The following H6PD variants were observed in gnomAD, a reference collection of about 807,000 sequenced individuals.
The protein encoded by H6PD is GDH/6PGL endoplasmic bifunctional protein.
In H6PD, 48 loss-of-function variants were observed where a neutral mutation model predicts 61.2. The ratio of observed to expected loss-of-function variants is 0.78; its 90% CI spans 0.62 to 1.00. The LOEUF (loss-of-function observed/expected upper bound fraction) is 1.00, where lower values mean the gene tolerates loss of function less well. Among genes scored for constraint, H6PD ranks in the 50% least tolerant of loss-of-function variants. The probability of loss-of-function intolerance (pLI) is 0.00; values close to 1 mark genes in which losing one functional copy is unlikely to be tolerated. For missense variants in H6PD, 1,093 were observed against 1,065.0 expected (o/e 1.03, Z -0.37); for synonymous variants, 480 against 457.9 (o/e 1.05, Z -0.62).
intron 3 of H6PD, among the ~76,000 whole-genome samples, chr1:9,256,496 C>G (rs1419270526): frequency 2.0e-5 from 3 of 152,138 alleles, no homozygotes; most frequent in African/African-American, 7.2e-5. Context: ...AGGTTGTTCC[C>G]CCAGCCATGA....
chr1:9,262,470 C>T (rs951718382), intron 4 of H6PD, 142 bp downstream of exon 4: 2 of 796,278 alleles, frequency 2.5e-6, no homozygotes, highest in Non-Finnish European at 4.0e-6. Context: ...GATGGCATTC[C>T]CCTGTCTCCC....
In H6PD at chr1:9,247,607, G is replaced by A. The variant is rs141029514; in HGVS notation, c.745+524G>A. ...ACCTCCCTCCCCTGCCCTGCACAGT[G>A]TTACCCTTGCCTCGTCCTTGTCCAC... On this transcript the variant is annotated intron_variant, in intron 3 of 4. Coordinates refer to ENST00000377403, the MANE Select transcript of H6PD (RefSeq NM_004285.4). 5.6e-3 allele frequency among the ~76,000 whole-genome samples: 847 copies of A among 152,252 alleles called. 5 individuals are homozygous for A. Among genetic ancestry groups the A allele is most frequent in the Middle Eastern group, 0.014 (4 of 294 alleles).
chr1:9,263,651 G>C lies in H6PD; in HGVS notation c.1158G>C (p.Trp386Cys). 1.2e-6 allele frequency: 2 copies of C among 1,614,198 alleles called. No homozygotes were observed. The highest frequency in any genetic ancestry group is 1.7e-6 in the Non-Finnish European group (2 of 1,180,042). The change falls in exon 5 of 5, where the codon TGG becomes TGC. Residue 386 changes from tryptophan to cysteine, a missense_variant. Transcript: ENST00000377403. Reference protein sequence around the residue: ...QACCVQSEKHWAAAQSQCLPR... With the variant: ...QACCVQSEKHCAAAQSQCLPR... ...GCTGTGTGCAGAGCGAAAAGCACTG[G>C]GCCGCGGCGCAGAGCCAGTGCCTGC...
rs185719796 is a variant in H6PD at position 9,258,853 on chromosome 1, G to A, written c.746-3206G>A. On this transcript the variant is annotated intron_variant, in intron 3 of 4. Transcript: ENST00000377403. ...GTTATGTTGTTGTTATGCTGGTGTT[G>A]TGTTACTGTTGTTATGTTGTTGTTA... Among the ~76,000 whole-genome samples the A allele has an allele frequency of 7.7e-3, 1,140 of 147,460 alleles. 12 individuals are homozygous for A. The highest frequency in any genetic ancestry group is 0.029 in the African/African-American group (1,079 of 37,554).
chr1:9,238,302 A>G (rs1415854594), intron 1 of H6PD, among the ~76,000 whole-genome samples: 1 of 152,194 alleles, frequency 6.6e-6, no homozygotes. Context: ...GTGGGAGGCC[A>G]GAATGTGTAG....
intron 3 of H6PD, among the ~76,000 whole-genome samples, chr1:9,258,148 TTGGTGTTGTTATGC>T (rs1171150711): frequency 2.0e-5 from 3 of 152,228 alleles, no homozygotes; most frequent in African/African-American, 4.8e-5. Flanking sequence ...GCTGTCAGCG[TTGGTGTTGTTATGC>T]TGGTGTTGTT....
chr1:9,267,908 T>TA lies in H6PD; in HGVS notation c.*3039_*3040insA, dbSNP rs762244016. The TA allele has an allele frequency of 3.3e-5, 5 of 152,214 alleles. No individual in the cohort carries two copies. The highest frequency in any genetic ancestry group is 7.3e-5 in the Non-Finnish European group (5 of 68,044). 9.4% of individuals were successfully genotyped at this position (152,214 alleles called of 1,614,324 possible). ...ATTCTTAACCTTAGAACCTCGGATA[T>TA]CCTCTATGTTTTAGTTTTCATTTTT... On this transcript the variant is annotated 3_prime_UTR_variant, in exon 5 of 5. Coordinates refer to ENST00000377403, the MANE Select transcript of H6PD (RefSeq NM_004285.4).
intron 1 of H6PD, among the ~76,000 whole-genome samples, chr1:9,238,941 T>C (rs1640921474): frequency 6.6e-6 from 1 of 152,194 alleles, no homozygotes. Context: ...CTTCACCTCA[T>C]AGATGCAGTG....
At chr1:9,242,946 G>GA (rs1459121820) in intron 1 of H6PD, 2 of 985,472 alleles carry the variant, frequency 2.0e-6, no homozygotes, top group East Asian at 1.1e-4. Flanking sequence ...AAAGCAGGAG[G>GA]AAAAAGCAGA....
intron 1 of H6PD, among the ~76,000 whole-genome samples, chr1:9,243,451 C>A (rs577829316): frequency 2.0e-5 from 3 of 152,190 alleles, no homozygotes; most frequent in Non-Finnish European, 4.4e-5. Flanking sequence ...GTCACTGCTC[C>A]CACCTGCAGG....
intron 1 of H6PD, among the ~76,000 whole-genome samples, chr1:9,244,552 C>T (rs1297443587): frequency 2.0e-5 from 3 of 152,220 alleles, no homozygotes; most frequent in South Asian, 2.1e-4. Flanking sequence ...CCTGCTTGTC[C>T]GGGTGACCTG....
At chr1:9,257,632 G>A (rs550187350) in intron 3 of H6PD, among the ~76,000 whole-genome samples, 6 of 152,280 alleles carry the variant, frequency 3.9e-5, no homozygotes, top group East Asian at 1.9e-4. Context: ...AGCCTCCCTC[G>A]TAGTGGGGAA....
chr1:9,269,793 C>T lies in H6PD; in HGVS notation c.*4924C>T. On this transcript the variant is annotated 3_prime_UTR_variant, in exon 5 of 5. Coordinates refer to ENST00000377403, the MANE Select transcript of H6PD (RefSeq NM_004285.4). This position sits in a 1 kb window ranked among gnomAD's most constrained non-coding sequence, Gnocchi z 4.3. ...AAAATCTGTCCACCGGGGAAGGCAGCAGGAACCCTGGGCAGCGGGTGTTCT... is the reference window on the plus strand; with the variant it reads ...AAAATCTGTCCACCGGGGAAGGCAGTAGGAACCCTGGGCAGCGGGTGTTCT... 1 of 152,404 alleles carries T rather than the reference C, an allele frequency of 6.6e-6. No homozygotes were observed. The highest frequency in any genetic ancestry group is 1.5e-5 in the Non-Finnish European group (1 of 68,092). 9.4% of individuals were successfully genotyped at this position (152,404 alleles called of 1,614,324 possible). A position where few individuals can be genotyped will look rare whatever the true frequency, so the allele number is the denominator to read the frequency against.
At chr1:9,242,659 T>C in intron 1 of H6PD, 1 of 985,446 alleles carries the variant, frequency 1.0e-6, no homozygotes, top group African/African-American at 1.7e-5. Flanking sequence ...GCAGAGGTGC[T>C]GGCCCTTGGG....
chr1:9,241,430 G>A (rs1021240216), intron 1 of H6PD, among the ~76,000 whole-genome samples: 6 of 152,086 alleles, frequency 3.9e-5, no homozygotes, highest in African/African-American at 1.4e-4. Flanking sequence ...TTTGAGACAG[G>A]ATCTTGCTCT....
chr1:9,263,065 G>A (rs1017460158), intron 4 of H6PD, among the ~76,000 whole-genome samples: 15 of 152,126 alleles, frequency 9.9e-5, no homozygotes, highest in Non-Finnish European at 1.6e-4. Context: ...TCCTCACCCC[G>A]CACCTCTGAC....
At chr1:9,251,697 C>T (rs1261599858) in intron 3 of H6PD, among the ~76,000 whole-genome samples, 2 of 152,060 alleles carry the variant, frequency 1.3e-5, no homozygotes, top group South Asian at 2.1e-4. Context: ...TCAGCAGGGC[C>T]GGTTCCCCTT....
rs974168285 is a variant in H6PD, at chr1:9,265,223, C to T, written c.*354C>T. On this transcript the variant is annotated 3_prime_UTR_variant, in exon 5 of 5. Transcript: ENST00000377403. Reference sequence around the variant, plus strand: ...CCGGCGTTCACAAGAGGAGACGTGACGTGGTGGGCTGAGGTTAATCAGGGA... The same window carrying T: ...CCGGCGTTCACAAGAGGAGACGTGATGTGGTGGGCTGAGGTTAATCAGGGA... The T allele has an allele frequency of 4.1e-5, 16 of 394,680 alleles. No homozygotes were observed. The highest frequency in any genetic ancestry group is 1.6e-3 in the Middle Eastern group (2 of 1,238). The allele number at this position is 394,680 out of a possible 1,614,324, so 24.4% of individuals were successfully genotyped here.
chr1:9,262,645 C>T (rs1222151173), intron 4 of H6PD, among the ~76,000 whole-genome samples: 2 of 152,192 alleles, frequency 1.3e-5, no homozygotes, highest in South Asian at 2.1e-4. Flanking sequence ...CATAGGGTCT[C>T]CCCAGTGAGG....
Sources: allele counts gnomAD v4.1 joint callset (sites outside exome capture counted in the v4.1 genomes callset), GRCh38; gene constraint gnomAD v4.1.1; non-coding constraint Gnocchi (gnomAD v3.1); transcripts MANE v1.5; gene names NCBI Gene and HGNC (gene_info 2026-07-23, HGNC 2026-07-21).